Variants in DLC1 observed in about 807,000 individuals in gnomAD.
DLC1 encodes the protein rho GTPase-activating protein 7.
In DLC1, 54 loss-of-function variants were observed where a neutral mutation model predicts 140.3. The observed-to-expected ratio is 0.38, with a 90% confidence interval of 0.31 to 0.48. The LOEUF is 0.48. Among genes scored for constraint, DLC1 ranks in the 20% least tolerant of loss-of-function variants. The pLI, the probability that DLC1 is intolerant of heterozygous loss-of-function variation, is 0.96. For synonymous variants in DLC1, 986 were observed against 728.1 expected, an observed-to-expected ratio of 1.35 and a Z score of -5.70; for missense variants, 2,536 against 1,907.0, an observed-to-expected ratio of 1.33 and a Z score of -6.14.
At chr8:13,337,103 C>A (rs1833840369) in intron 4 of DLC1, among the ~76,000 whole-genome samples, 1 of 152,084 alleles carries the variant, frequency 6.6e-6, no homozygotes, top group African/African-American at 2.4e-5. Context: ...CTTGACAATG[C>A]CTTTAGCATA....
chr8:13,129,085 G>A (rs1243962795), intron 5 of DLC1, among the ~76,000 whole-genome samples: 1 of 152,172 alleles, frequency 6.6e-6, no homozygotes, highest in East Asian at 1.9e-4. Context: ...GCCCTTCTCA[G>A]CTGGGAATCT....
intron 2 of DLC1, among the ~76,000 whole-genome samples, chr8:13,496,845 G>A (rs1801537759): frequency 1.5e-5 from 2 of 130,290 alleles, no homozygotes; most frequent in Non-Finnish European, 3.1e-5. Context: ...GTGTCACCCA[G>A]GCTGGAGTGC....
chr8:13,234,798 G>T (rs932564768), intron 5 of DLC1, among the ~76,000 whole-genome samples: 2 of 152,048 alleles, frequency 1.3e-5, no homozygotes, highest in Non-Finnish European at 2.9e-5. Flanking sequence ...ATTTGGTGGG[G>T]ATTATTTTTG....
intron 5 of DLC1, among the ~76,000 whole-genome samples, chr8:13,180,644 A>G (rs537294900): frequency 6.6e-6 from 1 of 152,188 alleles, no homozygotes; most frequent in African/African-American, 2.4e-5. Context: ...CACTAAATCA[A>G]TGTAATCACA....
intron 1 of DLC1, among the ~76,000 whole-genome samples, chr8:13,504,855 G>A (rs1297232251): frequency 6.6e-6 from 1 of 152,066 alleles, no homozygotes; most frequent in African/African-American, 2.4e-5. Flanking sequence ...GGAAAGACAT[G>A]GCAAAAGGAA....
At chr8:13,537,087 GC>G (rs1475368863) in intron 1 of DLC1, among the ~76,000 whole-genome samples, 1 of 151,610 alleles carries the variant, frequency 6.6e-6, no homozygotes, top group Non-Finnish European at 1.5e-5. Flanking sequence ...TTGTCTTTAA[GC>G]ACATTAAATA....
chr8:13,368,609 G>C (rs1671412), intron 4 of DLC1, among the ~76,000 whole-genome samples: 110,830 of 151,696 alleles, frequency 0.73, 40,925 homozygotes, highest in East Asian at 0.85. Context: ...TTGAGCCACA[G>C]TTATTTGTAC....
At chr8:13,130,646 T>C (rs746660256) in intron 5 of DLC1, among the ~76,000 whole-genome samples, 23 of 152,258 alleles carry the variant, frequency 1.5e-4, no homozygotes, top group Non-Finnish European at 2.9e-4. Context: ...TAATTGCTCA[T>C]CTATTCACTG....
chr8:13,103,126 C>T (rs1312800511), intron 7 of DLC1, among the ~76,000 whole-genome samples: 4 of 151,766 alleles, frequency 2.6e-5, no homozygotes, highest in Admixed American at 2.0e-4. Flanking sequence ...CTGGCTAACA[C>T]GGTGAAACCC....
intron 1 of DLC1, among the ~76,000 whole-genome samples, chr8:13,568,864 G>A (rs1804546490): frequency 6.6e-6 from 1 of 152,186 alleles, no homozygotes; most frequent in Non-Finnish European, 1.5e-5. Flanking sequence ...TACAAATGGG[G>A]CAGACAAAAT....
Position 13,110,881 on chromosome 8 carries a change from A to G in DLC1, c.1421-58T>C, listed in dbSNP as rs1585653385. ...GCGCCTAAAACCCAATTTGCCAAATAGCCCAGTTTACCAAAGCAGGGATAA... is the reference window on the plus strand; with the variant it reads ...GCGCCTAAAACCCAATTTGCCAAATGGCCCAGTTTACCAAAGCAGGGATAA... On this transcript the variant is annotated intron_variant, in intron 6 of 17. Transcript: ENST00000276297. 5 of 1,509,538 alleles carry G rather than the reference A, an allele frequency of 3.3e-6. No individual in the cohort carries two copies. The East Asian group carries it at 6.8e-5, about 20-fold the overall frequency. 93.5% of individuals were successfully genotyped at this position (1,509,538 alleles called of 1,614,324 possible).
intron 16 of DLC1, among the ~76,000 whole-genome samples, chr8:13,087,148 C>T (rs1426323061): frequency 6.6e-6 from 1 of 152,154 alleles, no homozygotes; most frequent in Non-Finnish European, 1.5e-5. Flanking sequence ...TGCCTGTAAT[C>T]CCGGCGCTTT....
chr8:13,403,861 G>A (rs1837409514), intron 2 of DLC1, among the ~76,000 whole-genome samples: 1 of 110,512 alleles, frequency 9.0e-6, no homozygotes, highest in African/African-American at 3.5e-5. Flanking sequence ...ATTTTGCCAT[G>A]TTGCCCAGGC....
At chr8:13,489,619 C>T (rs72603981) in intron 2 of DLC1, among the ~76,000 whole-genome samples, 11,512 of 151,364 alleles carry the variant, frequency 0.076, 652 homozygotes, top group East Asian at 0.23. Flanking sequence ...GATTAAGTAA[C>T]TTACAAGATT....
At chr8:13,403,421 A>T (rs1054134111) in intron 2 of DLC1, among the ~76,000 whole-genome samples, 6 of 152,220 alleles carry the variant, frequency 3.9e-5, no homozygotes, top group Non-Finnish European at 8.8e-5. Flanking sequence ...GAACAATCTG[A>T]TTAAATAGTA....
intron 1 of DLC1, among the ~76,000 whole-genome samples, chr8:13,591,914 C>T (rs182283496): frequency 1.9e-3 from 294 of 152,100 alleles, no homozygotes; most frequent in Admixed American, 3.5e-3. Flanking sequence ...GTTTTTTTGA[C>T]CTTGTCGAGT....
chr8:13,513,548 G>T (rs544902170), intron 1 of DLC1, among the ~76,000 whole-genome samples: 1 of 151,876 alleles, frequency 6.6e-6, no homozygotes, highest in African/African-American at 2.4e-5. Flanking sequence ...AGTATATTTT[G>T]TATTCATCTA....
At chr8:13,462,620 A>G (rs1416928811) in intron 2 of DLC1, among the ~76,000 whole-genome samples, 1 of 151,864 alleles carries the variant, frequency 6.6e-6, no homozygotes, top group East Asian at 1.9e-4. Context: ...GTTAGCCAGG[A>G]TGGTCTCGAT....
intron 5 of DLC1, among the ~76,000 whole-genome samples, chr8:13,295,468 C>G (rs183397849): frequency 6.6e-6 from 1 of 152,298 alleles, no homozygotes; most frequent in East Asian, 1.9e-4. Context: ...TTCTGCACAG[C>G]CTGCAGACAA....
Sources: gnomAD v4.1 joint callset for allele counts (sites outside exome capture counted in the v4.1 genomes callset) on GRCh38, gnomAD v4.1.1 for gene constraint, MANE v1.5 for transcripts, NCBI Gene and HGNC (gene_info 2026-07-23, HGNC 2026-07-21) for gene names.